Variants in ACTN4 observed in about 807,000 individuals in gnomAD.
The protein encoded by ACTN4 is actinin alpha 4.
ACTN4 carries 18 observed loss-of-function variants against 114.2 expected under a neutral mutation model. The observed-to-expected ratio is 0.16, with a 90% CI of 0.11 to 0.23. The LOEUF (loss-of-function observed/expected upper bound fraction) is 0.23. ACTN4 is among the 10% of genes least tolerant of loss of function. ACTN4 has a pLI of 1.00. For synonymous variants in ACTN4, 515 were observed against 506.3 expected (o/e 1.02, Z -0.23); for missense variants, 722 against 1,262.9 (o/e 0.57, Z 6.49).
chr19:38,685,360 G>A (rs1239848868), intron 1 of ACTN4, among the ~76,000 whole-genome samples: 1 of 152,174 alleles, frequency 6.6e-6, no homozygotes, highest in Non-Finnish European at 1.5e-5. Context: ...TTGCCTGCTG[G>A]CAAACTTCAA....
intron 8 of ACTN4, 27 bp downstream of exon 8, chr19:38,710,369 C>T: frequency 6.2e-7 from 1 of 1,606,628 alleles, no homozygotes; most frequent in Non-Finnish European, 8.5e-7. Flanking sequence ...GGCAGGCCCT[C>T]CTCGCCGCCA....
chr19:38,663,861 C>G (rs1300682639), intron 1 of ACTN4, among the ~76,000 whole-genome samples: 1 of 152,220 alleles, frequency 6.6e-6, no homozygotes, highest in Non-Finnish European at 1.5e-5. Flanking sequence ...CTCTTCTCCC[C>G]AGGTGGGAGG....
intron 7 of ACTN4, 63 bp from the exon 8 acceptor site, chr19:38,710,194 A>G (rs1460654099): frequency 1.9e-6 from 3 of 1,568,774 alleles, no homozygotes; most frequent in Non-Finnish European, 2.6e-6. Flanking sequence ...CGTGGATCCC[A>G]GTGAGTGACG....
In ACTN4 at chr19:38,728,026, G is replaced by A. The variant is rs1276165920; in HGVS notation, c.2418G>A (p.Gln806=). The part of the protein sequence containing the change: ...SLGYDVENDR[Q]GEAEFNRIMS... ...GCTACGACGTGGAGAACGACCGGCAGGTACTGCACCCTGGGCCCCAGCGGA... is the reference window on the plus strand; with the variant it reads ...GCTACGACGTGGAGAACGACCGGCAAGTACTGCACCCTGGGCCCCAGCGGA... Residue 806 remains glutamine, a splice_region_variant and synonymous_variant, in exon 19 of 21, where the codon CAG becomes CAA. Transcript: ENST00000252699. 6.2e-7 allele frequency: 1 copy of A among 1,611,486 alleles called. No individual in the cohort carries two copies. Among genetic ancestry groups the A allele is most frequent in the African/African-American group, 1.3e-5 (1 of 74,948 alleles).
chr19:38,695,404 C>G (rs1311685261), intron 1 of ACTN4, among the ~76,000 whole-genome samples: 2 of 152,236 alleles, frequency 1.3e-5, no homozygotes, highest in Non-Finnish European at 1.5e-5. Context: ...CCACAGAGGG[C>G]TGGCAGCTCT....
chr19:38,675,023 G>C (rs754266325), intron 1 of ACTN4, among the ~76,000 whole-genome samples: 9 of 152,218 alleles, frequency 5.9e-5, no homozygotes, highest in Admixed American at 2.6e-4. Context: ...CAGCCGTGTG[G>C]AGTTGGAGAG....
Position 38,717,313 on chromosome 19 carries a change from C to T in ACTN4, c.1140C>T (p.Val380=). The T allele has an allele frequency of 3.1e-6, 5 of 1,613,740 alleles. No individual in the cohort carries two copies. The highest frequency in any genetic ancestry group is 4.2e-6 in the Non-Finnish European group (5 of 1,179,874). The change falls in exon 10 of 21, where the codon GTC becomes GTT. Residue 380 remains valine, a synonymous_variant. Coordinates refer to ENST00000252699, the MANE Select transcript of ACTN4 (RefSeq NM_004924.6). This position sits in a 1 kb window ranked among gnomAD's most constrained non-coding sequence, Gnocchi z 4.0. ...TCATGCCCTCCGAGGGCAAGATGGT[C>T]TCGGTGAGCACCAGGATTCACATGG... ...PAFMPSEGKM[V]SDINNGWQHL... is the part of the protein sequence containing the mutation.
rs773699906 is a variant in ACTN4, at chr19:38,724,129, C to T, written c.1693-28C>T. 17 of 1,613,632 alleles carry T rather than the reference C, an allele frequency of 1.1e-5. No individual in the cohort carries two copies. Among genetic ancestry groups the T allele is most frequent in the South Asian group, 5.5e-5 (5 of 91,076 alleles). ...CCCAAGAGCCTCTGTGGGGCTGGGC[C>T]GCCCCCTCACTCCAGCTCCTCCCCT... On this transcript the variant is annotated intron_variant, in intron 14 of 20. Coordinates refer to ENST00000252699, the MANE Select transcript of ACTN4 (RefSeq NM_004924.6). The surrounding 1 kb of genome is among the most constrained non-coding windows in gnomAD (Gnocchi z 7.0).
At chr19:38,674,958 T>C (rs1383838658) in intron 1 of ACTN4, among the ~76,000 whole-genome samples, 2 of 152,170 alleles carry the variant, frequency 1.3e-5, no homozygotes, top group Non-Finnish European at 2.9e-5. Context: ...TCCAGGCATC[T>C]GAGATTGGAG....
intron 1 of ACTN4, among the ~76,000 whole-genome samples, chr19:38,649,996 G>A (rs1315880856): frequency 6.6e-6 from 1 of 152,084 alleles, no homozygotes; most frequent in Non-Finnish European, 1.5e-5. Flanking sequence ...CTTTTTGAGG[G>A]GAAGGTGAGA....
chr19:38,661,013 G>A (rs534760029), intron 1 of ACTN4, among the ~76,000 whole-genome samples: 61 of 152,278 alleles, frequency 4.0e-4, no homozygotes, highest in Non-Finnish European at 7.8e-4. Flanking sequence ...AGAGGAACGC[G>A]CTTCCAACAG....
At chr19:38,664,138 A>C (rs1279949716) in intron 1 of ACTN4, among the ~76,000 whole-genome samples, 1 of 152,174 alleles carries the variant, frequency 6.6e-6, no homozygotes, top group Non-Finnish European at 1.5e-5. Context: ...TTGCCCTGCA[A>C]CGCGGGTGGC....
rs1461505505 is a variant in ACTN4 at position 38,724,611 on chromosome 19, G to A, written c.2010+46G>A. ...ACAGAGCTGAGAAGGTTCCAAGAGA[G>A]CTCCCGTAGTGAGGGGGTCCCCGGC... On this transcript the variant is annotated intron_variant, in intron 16 of 20. Coordinates refer to ENST00000252699, the MANE Select transcript of ACTN4 (RefSeq NM_004924.6). This position sits in a 1 kb window ranked among gnomAD's most constrained non-coding sequence, Gnocchi z 7.0. 1 of 1,611,390 alleles carries A rather than the reference G, an allele frequency of 6.2e-7. No individual in the cohort carries two copies. The highest frequency in any genetic ancestry group is 1.1e-5 in the South Asian group (1 of 91,074).
chr19:38,686,162 C>A (rs1307654546), intron 1 of ACTN4, among the ~76,000 whole-genome samples: 3 of 152,116 alleles, frequency 2.0e-5, no homozygotes, highest in Admixed American at 1.3e-4. Context: ...CCATCAGTGC[C>A]CTGTCTGACC....
At chr19:38,693,873 C>T (rs1340376358) in intron 1 of ACTN4, among the ~76,000 whole-genome samples, 3 of 152,204 alleles carry the variant, frequency 2.0e-5, no homozygotes, top group Non-Finnish European at 2.9e-5. Context: ...CCTTGGCACA[C>T]GGAGGGGTGA....
chr19:38,713,902 C>T (rs1372243361), intron 8 of ACTN4, among the ~76,000 whole-genome samples: 2 of 152,170 alleles, frequency 1.3e-5, no homozygotes, highest in Non-Finnish European at 2.9e-5. Flanking sequence ...ACTATGTCCA[C>T]CACTCTCACC....
intron 7 of ACTN4, 107 bp from the exon 8 acceptor site, chr19:38,710,150 G>A (rs545866465): frequency 6.0e-5 from 69 of 1,159,486 alleles, no homozygotes; most frequent in Non-Finnish European, 8.0e-5. Context: ...CACTCTGCAG[G>A]TCCCTCTCCC....
intron 6 of ACTN4, 57 bp from the exon 7 acceptor site, chr19:38,709,338 C>G: frequency 7.3e-7 from 1 of 1,367,400 alleles, no homozygotes; most frequent in Non-Finnish European, 1.0e-6. Context: ...TGCCTCCCTC[C>G]TGCTCCTGCA....
At chr19:38,691,698 T>A (rs1198235446) in intron 1 of ACTN4, among the ~76,000 whole-genome samples, 1 of 151,328 alleles carries the variant, frequency 6.6e-6, no homozygotes, top group African/African-American at 2.4e-5. Context: ...AGATCAGGAG[T>A]TCGAGACCAG....
Sources: gnomAD v4.1 joint callset for allele counts (sites outside exome capture counted in the v4.1 genomes callset) on GRCh38, gnomAD v4.1.1 for gene constraint, Gnocchi (gnomAD v3.1) non-coding constraint, MANE v1.5 for transcripts, NCBI Gene and HGNC (gene_info 2026-07-23, HGNC 2026-07-21) for gene names.